CTNNA2: variants seen among roughly 807,000 people sequenced by gnomAD.
CTNNA2 encodes catenin alpha-2.
A neutral mutation model predicts 101.0 loss-of-function variants in CTNNA2; 42 were observed. The ratio of observed to expected loss-of-function variants is 0.42; its 90% confidence interval spans 0.32 to 0.54. CTNNA2 has a LOEUF of 0.54. Among genes scored for constraint, CTNNA2 ranks in the 20% least tolerant of loss-of-function variants. The pLI is 0.14. For missense variants in CTNNA2, 871 were observed against 1,223.1 expected, an observed-to-expected ratio of 0.71 and a Z score of 4.29; for synonymous variants, 450 against 456.4, an observed-to-expected ratio of 0.99 and a Z score of 0.18.
At chr2:80,560,665 G>A (rs1325089425) in intron 12 of CTNNA2, among the ~76,000 whole-genome samples, 1 of 152,110 alleles carries the variant, frequency 6.6e-6, no homozygotes, top group Non-Finnish European at 1.5e-5. Flanking sequence ...TCCCTGCAAC[G>A]TTCTTCATCT....
chr2:80,069,561 C>A (rs1698194865), intron 7 of CTNNA2, among the ~76,000 whole-genome samples: 1 of 152,154 alleles, frequency 6.6e-6, no homozygotes, highest in African/African-American at 2.4e-5. Flanking sequence ...AAATCTTTGT[C>A]TGATCTTTTC....
intron 8 of CTNNA2, among the ~76,000 whole-genome samples, chr2:80,396,710 A>G (rs968599265): frequency 5.9e-5 from 9 of 152,234 alleles, no homozygotes; most frequent in African/African-American, 2.2e-4. Context: ...TTCCAAGTTG[A>G]TAAATCAGCA....
intron 9 of CTNNA2, among the ~76,000 whole-genome samples, chr2:80,471,447 T>C (rs1011012703): frequency 2.6e-5 from 4 of 152,198 alleles, no homozygotes; most frequent in Non-Finnish European, 4.4e-5. Flanking sequence ...TTAACCCTAC[T>C]GTAGGAGCCA....
intron 2 of CTNNA2, among the ~76,000 whole-genome samples, chr2:79,300,806 C>T (rs1676091097): frequency 6.6e-6 from 1 of 152,114 alleles, no homozygotes; most frequent in African/African-American, 2.4e-5. Context: ...CTCATTATTG[C>T]TAGAGAGATC....
intron 4 of CTNNA2, among the ~76,000 whole-genome samples, chr2:79,459,006 G>A (rs567232306): frequency 2.6e-5 from 4 of 152,096 alleles, no homozygotes; most frequent in East Asian, 1.9e-4. Context: ...TGGATAAAAC[G>A]ATTGGGCTTT....
intron 16 of CTNNA2, among the ~76,000 whole-genome samples, chr2:80,606,408 A>C (rs1378041259): frequency 6.0e-5 from 7 of 116,178 alleles, no homozygotes; most frequent in African/African-American, 1.7e-4. Context: ...ACACACACAC[A>C]CACACCCCCC....
intron 18 of CTNNA2, among the ~76,000 whole-genome samples, chr2:80,638,540 C>T (rs1055187704): frequency 6.6e-6 from 1 of 152,162 alleles, no homozygotes; most frequent in African/African-American, 2.4e-5. Context: ...CTGTTCCGAA[C>T]TTTCCAAGGG....
Position 80,248,490 on chromosome 2 carries a change from C to T in CTNNA2, c.1057-144721C>T, listed in dbSNP as rs1671511134. Among the ~76,000 whole-genome samples the T allele has an allele frequency of 2.0e-5, 3 of 152,282 alleles. No homozygotes were observed. In the South Asian group the frequency reaches 6.2e-4, roughly 32 times the overall value. ...GGGTTTGCAGGGTCTTCTTTTATTT[C>T]TCCAGATTCGTTGCATTAAAAATTG... On this transcript the variant is annotated intron_variant, in intron 7 of 18. Coordinates refer to ENST00000402739, the MANE Select transcript of CTNNA2 (RefSeq NM_001282597.3).
chr2:79,808,396 G>T (rs755086148), intron 3 of CTNNA2, among the ~76,000 whole-genome samples: 39 of 152,274 alleles, frequency 2.6e-4, no homozygotes, highest in Middle Eastern at 3.4e-3. Context: ...CATTCATTAA[G>T]CAAAAATGGT....
chr2:79,601,714 G>A lies in CTNNA2; in HGVS notation c.-5-49838G>A, dbSNP rs192966632. Among the ~76,000 whole-genome samples, 259 of 152,294 alleles carry A rather than the reference G, an allele frequency of 1.7e-3. 4 individuals are homozygous for A. Among genetic ancestry groups the A allele is most frequent in the African/African-American group, 5.8e-3 (240 of 41,568 alleles). ...AATACAGACTTTCCAGCTATGAAGC[G>A]GTGTGACACAGAAGACTTCCATAGG... On this transcript the variant is annotated intron_variant, in intron 1 of 18. Transcript: ENST00000402739.
intron 9 of CTNNA2, among the ~76,000 whole-genome samples, chr2:80,471,820 TA>T (rs35114377): frequency 0.42 from 63,307 of 150,800 alleles, 15,162 homozygotes; most frequent in East Asian, 0.67. Flanking sequence ...TCAAGTTTGT[TA>T]AAAAAAAAAT....
At chr2:79,266,220 C>T (rs1385078600) in intron 2 of CTNNA2, among the ~76,000 whole-genome samples, 1 of 152,136 alleles carries the variant, frequency 6.6e-6, no homozygotes, top group Non-Finnish European at 1.5e-5. Context: ...CCTGCTTTGA[C>T]CACCTTCACA....
At chr2:79,683,078 C>T (rs1001116582) in intron 2 of CTNNA2, among the ~76,000 whole-genome samples, 11 of 152,128 alleles carry the variant, frequency 7.2e-5, no homozygotes, top group Non-Finnish European at 1.5e-4. Flanking sequence ...TGTGTTAGTA[C>T]TTCCTTATTT....
At chr2:79,908,774 C>T (rs1210179159) in intron 6 of CTNNA2, among the ~76,000 whole-genome samples, 1 of 152,136 alleles carries the variant, frequency 6.6e-6, no homozygotes, top group East Asian at 1.9e-4. Context: ...TAGTTTATGT[C>T]CAAATACCCC....
intron 1 of CTNNA2, among the ~76,000 whole-genome samples, chr2:79,590,165 A>G (rs1025413849): frequency 3.9e-5 from 6 of 152,154 alleles, no homozygotes; most frequent in Non-Finnish European, 8.8e-5. Context: ...GCCTGCTGTG[A>G]CTGCTCCTTT....
intron 15 of CTNNA2, among the ~76,000 whole-genome samples, chr2:80,595,531 G>A (rs1003508290): frequency 6.6e-6 from 1 of 152,146 alleles, no homozygotes; most frequent in Non-Finnish European, 1.5e-5. Context: ...GCAAGAGCAG[G>A]CATCCTTGCT....
chr2:80,459,932 C>G (rs1177390536), intron 9 of CTNNA2, among the ~76,000 whole-genome samples: 2 of 152,072 alleles, frequency 1.3e-5, no homozygotes, highest in Non-Finnish European at 2.9e-5. Context: ...TCATAGTGTT[C>G]AATTTCCTGG....
At chr2:79,570,621 A>G (rs768962518) in intron 1 of CTNNA2, among the ~76,000 whole-genome samples, 2 of 152,174 alleles carry the variant, frequency 1.3e-5, no homozygotes, top group African/African-American at 2.4e-5. Context: ...AGGAAAAAAG[A>G]TGAGAAACTC....
rs560155579 is a variant in CTNNA2 at position 79,320,913 on chromosome 2, A to G, written c.-318+8117A>G. 7.2e-5 allele frequency among the ~76,000 whole-genome samples: 11 copies of G among 152,360 alleles called. No individual in the cohort carries two copies. The South Asian group carries it at 2.1e-3, about 29-fold the overall frequency. On this transcript the variant is annotated intron_variant, in intron 3 of 21. Transcript: ENST00000466387. ...GGCAAGTTATAACAGTTAAAGAATT[A>G]CAATTCTATTAAAACACACCAAAGA...
Sources: allele counts gnomAD v4.1 joint callset (sites outside exome capture counted in the v4.1 genomes callset), GRCh38; gene constraint gnomAD v4.1.1; transcripts MANE v1.5; gene names NCBI Gene and HGNC (gene_info 2026-07-23, HGNC 2026-07-21).